ENOX1: variants seen among roughly 807,000 people sequenced by gnomAD.
ENOX1 encodes ecto-NOX disulfide-thiol exchanger 1.
Under a neutral mutation model 82.5 loss-of-function variants are expected in ENOX1, and 42 were observed. That is an observed-to-expected ratio of 0.51 (90% CI 0.40 to 0.66). The LOEUF is 0.66. Among genes scored for constraint, ENOX1 ranks in the 30% least tolerant of loss-of-function variants. The probability of loss-of-function intolerance (pLI) is 0.00; values close to 1 mark genes in which losing one functional copy is unlikely to be tolerated. For synonymous variants in ENOX1, 271 were observed against 282.2 expected, an observed-to-expected ratio of 0.96 and a Z score of 0.40; for missense variants, 608 against 811.6, an observed-to-expected ratio of 0.75 and a Z score of 3.05.
chr13:43,547,650 A>C (rs2079028741), intron 2 of ENOX1: 1 of 152,236 alleles, frequency 6.6e-6, no homozygotes, highest in Admixed American at 6.5e-5. Flanking sequence ...TTGTCAGCAA[A>C]CAGCACAGGA....
At chr13:43,247,842 TATATATATATATATATATATATA>T (rs2043164848) in intron 14 of ENOX1, among the ~76,000 whole-genome samples, 2 of 1,508 alleles carry the variant, frequency 1.3e-3, no homozygotes, top group Non-Finnish European at 2.4e-3. Context: ...TATATATATA[TATATATATATATATATATATATA>T]TATATATATA....
In ENOX1 at chr13:43,247,860, TATA is replaced by T. The variant is rs2043193970; in HGVS notation, c.1612-11125_1612-11123del. On this transcript the variant is annotated intron_variant, in intron 14 of 16. Transcript: ENST00000690772. ...ATATATATATATATATATATATATA[TATA>T]TATATATATATATATATATATTTTT... 3.8e-3 allele frequency among the ~76,000 whole-genome samples: 15 copies of T among 3,950 alleles called. 1 individual carries two copies. The highest frequency in any genetic ancestry group is 7.7e-3 in the Non-Finnish European group (13 of 1,690). The allele number at this position is 3,950 out of a possible 152,430, so 2.6% of individuals were successfully genotyped here.
At chr13:43,540,617 G>A (rs1488417212) in intron 2 of ENOX1, among the ~76,000 whole-genome samples, 1 of 152,180 alleles carries the variant, frequency 6.6e-6, no homozygotes, top group Non-Finnish European at 1.5e-5. Context: ...GTGAGAAGTG[G>A]TGAGACTGGT....
At chr13:43,522,260 A>C (rs1219873500) in intron 2 of ENOX1, among the ~76,000 whole-genome samples, 1 of 152,190 alleles carries the variant, frequency 6.6e-6, no homozygotes, top group Non-Finnish European at 1.5e-5. Context: ...ATTGCCTTGA[A>C]TTAAATACCA....
At chr13:43,289,958 C>A (rs1275229797) in intron 12 of ENOX1, among the ~76,000 whole-genome samples, 2 of 152,008 alleles carry the variant, frequency 1.3e-5, no homozygotes, top group Non-Finnish European at 2.9e-5. Flanking sequence ...AAATGGTCAA[C>A]AAACATATGA....
chr13:43,459,525 A>C (rs2057371308), intron 3 of ENOX1: 1 of 152,182 alleles, frequency 6.6e-6, no homozygotes, highest in Non-Finnish European at 1.5e-5. Flanking sequence ...CAATCTAACA[A>C]CACTTATTTT....
At chr13:43,383,116 G>T (rs1190741226) in intron 5 of ENOX1, among the ~76,000 whole-genome samples, 1 of 152,180 alleles carries the variant, frequency 6.6e-6, no homozygotes, top group Non-Finnish European at 1.5e-5. Context: ...CATAAAACAT[G>T]GTACCAGACC....
chr13:43,482,287 CAGA>C (rs1184624932), intron 3 of ENOX1, among the ~76,000 whole-genome samples: 8 of 152,072 alleles, frequency 5.3e-5, no homozygotes, highest in Admixed American at 1.3e-4. Flanking sequence ...ATATGTAGAA[CAGA>C]AGATTATTAA....
At chr13:43,648,635 A>C (rs12867061) in intron 2 of ENOX1, among the ~76,000 whole-genome samples, 6,915 of 152,256 alleles carry the variant, frequency 0.045, 186 homozygotes, top group Non-Finnish European at 0.069. Flanking sequence ...TAAGAGGTGA[A>C]ATACCTGTTT....
intron 14 of ENOX1, among the ~76,000 whole-genome samples, chr13:43,244,822 G>T (rs1297927738): frequency 1.3e-5 from 2 of 152,160 alleles, no homozygotes; most frequent in Non-Finnish European, 1.5e-5. Flanking sequence ...TTCCCTGCCT[G>T]CTTGTTCCAT....
chr13:43,770,889 G>A (rs1951555956), intron 1 of ENOX1, among the ~76,000 whole-genome samples: 1 of 151,938 alleles, frequency 6.6e-6, no homozygotes, highest in African/African-American at 2.4e-5. Context: ...TACTGATTCT[G>A]TCTGTCTCTA....
At chr13:43,754,372 A>C (rs1566882424) in intron 1 of ENOX1, among the ~76,000 whole-genome samples, 1 of 146,698 alleles carries the variant, frequency 6.8e-6, no homozygotes, top group Non-Finnish European at 1.5e-5. Context: ...TTTTACTGTC[A>C]CCCAGGCTGG....
chr13:43,226,048 G>A (rs551108493), intron 15 of ENOX1, among the ~76,000 whole-genome samples: 1 of 152,188 alleles, frequency 6.6e-6, no homozygotes, highest in East Asian at 1.9e-4. Flanking sequence ...TGTACTCAGG[G>A]AGCATTGTGT....
At chr13:43,719,663 T>C (rs948475667) in intron 1 of ENOX1, among the ~76,000 whole-genome samples, 2 of 151,966 alleles carry the variant, frequency 1.3e-5, no homozygotes, top group East Asian at 1.9e-4. Flanking sequence ...AACCCTAACG[T>C]AGCGCACCAA....
At chr13:43,456,028 T>C (rs950022864) in intron 3 of ENOX1, among the ~76,000 whole-genome samples, 7 of 152,204 alleles carry the variant, frequency 4.6e-5, no homozygotes, top group Admixed American at 2.6e-4. Context: ...AAGTTTGACT[T>C]CTATACCTCT....
At chr13:43,310,197 CAAAAAAAAAAA>C (rs10555409) in intron 11 of ENOX1, among the ~76,000 whole-genome samples, 3 of 82,604 alleles carry the variant, frequency 3.6e-5, no homozygotes, top group African/African-American at 4.7e-5. Context: ...GATTCCATCT[CAAAAAAAAAAA>C]AAAAAAAAAA....
chr13:43,317,302 C>G (rs1437259424), intron 11 of ENOX1, among the ~76,000 whole-genome samples: 1 of 152,218 alleles, frequency 6.6e-6, no homozygotes, highest in African/African-American at 2.4e-5. Context: ...CAGTTGGCCC[C>G]TTCAGTCAGC....
chr13:43,564,800 G>A (rs1002157104), intron 2 of ENOX1, among the ~76,000 whole-genome samples: 4 of 152,162 alleles, frequency 2.6e-5, no homozygotes, highest in African/African-American at 9.7e-5. Context: ...CAGAAATACT[G>A]ATGTCCAGGA....
At chr13:43,229,186 C>T (rs149784277) in intron 15 of ENOX1, among the ~76,000 whole-genome samples, 3 of 152,350 alleles carry the variant, frequency 2.0e-5, no homozygotes, top group African/African-American at 7.2e-5. Flanking sequence ...CACCTTCTGC[C>T]ATGATTGTGA....
Sources: allele counts gnomAD v4.1 joint callset (sites outside exome capture counted in the v4.1 genomes callset), GRCh38; gene constraint gnomAD v4.1.1; transcripts MANE v1.5; gene names NCBI Gene and HGNC (gene_info 2026-07-23, HGNC 2026-07-21).